CALD1: variants seen among roughly 807,000 people sequenced by gnomAD.
CALD1 encodes the protein caldesmon.
Under a neutral mutation model 99.9 loss-of-function variants are expected in CALD1, and 33 were observed. That is an observed-to-expected ratio of 0.33 (90% CI 0.25 to 0.44). The LOEUF (loss-of-function observed/expected upper bound fraction) is 0.44, where lower values mean the gene tolerates loss of function less well. Ranked by LOEUF, CALD1 falls within the 20% of genes least tolerant of loss-of-function variation. The probability of loss-of-function intolerance (pLI) is 1.00; values close to 1 mark genes in which losing one functional copy is unlikely to be tolerated. For synonymous variants in CALD1, 310 were observed against 325.0 expected, an observed-to-expected ratio of 0.95 and a Z score of 0.50; for missense variants, 861 against 962.1, an observed-to-expected ratio of 0.89 and a Z score of 1.39.
rs552750490 is a variant in CALD1 at position 134,908,979 on chromosome 7, T to G, written c.72-19775T>G. Among the ~76,000 whole-genome samples, 3 of 152,210 alleles carry G rather than the reference T, an allele frequency of 2.0e-5. No individual in the cohort carries two copies. In the South Asian group the frequency reaches 6.2e-4, roughly 32 times the overall value. Reference sequence around the variant, plus strand: ...CTTTATTTTCCATGCATATAAGGAGTGAAGTACTCTGCCAGGTAGTTGAAA... The same window carrying G: ...CTTTATTTTCCATGCATATAAGGAGGGAAGTACTCTGCCAGGTAGTTGAAA... On this transcript the variant is annotated intron_variant, in intron 3 of 14. Coordinates refer to ENST00000361675, the MANE Select transcript of CALD1 (RefSeq NM_033138.4).
intron 7 of CALD1, among the ~76,000 whole-genome samples, chr7:134,943,693 C>T (rs1301276911): frequency 6.6e-6 from 1 of 152,060 alleles, no homozygotes; most frequent in African/African-American, 2.4e-5. Flanking sequence ...AAGCACCCAC[C>T]ACCCAAAGAT....
At chr7:134,944,448 G>A (rs1806701830) in intron 7 of CALD1, 1 of 149,090 alleles carries the variant, frequency 6.7e-6, no homozygotes, top group African/African-American at 2.5e-5. Flanking sequence ...TGATTTTCTG[G>A]TCTGCAGCTT....
At chr7:134,951,150 C>A (rs1301953652) in intron 9 of CALD1, among the ~76,000 whole-genome samples, 1 of 152,154 alleles carries the variant, frequency 6.6e-6, no homozygotes, top group East Asian at 1.9e-4. Flanking sequence ...TTCACAAGGG[C>A]CTCACCCTCA....
At position 134,933,166 on chromosome 7, in the gene CALD1, C is replaced by T; in HGVS notation, c.397C>T (p.Pro133Ser). ...PTITDASLSL[P>S]SRRMQNDTAE... Reference sequence around the variant, plus strand: ...AATAACAGATGCAAGTCTGTCGCTCCCAAGCAGAAGAATGCAAAATGACAC... The same window carrying T: ...AATAACAGATGCAAGTCTGTCGCTCTCAAGCAGAAGAATGCAAAATGACAC... The change falls in exon 5 of 15, where the codon CCA (proline) becomes TCA (serine). Residue 133 changes from proline (P) to serine (S), a missense_variant. Transcript: ENST00000361675. 6.2e-7 allele frequency: 1 copy of T among 1,612,658 alleles called. No homozygotes were observed. Among genetic ancestry groups the T allele is most frequent in the Non-Finnish European group, 8.5e-7 (1 of 1,179,724 alleles).
chr7:134,968,371 C>T lies in CALD1; in HGVS notation c.*26C>T, dbSNP rs1215442029. ...GACAGTTCCAGAAAGAACCCAAGCT[C>T]AAGACGCAGGACGAGCTCAGTTGTA... On this transcript the variant is annotated 3_prime_UTR_variant, in exon 15 of 15. Coordinates refer to ENST00000361675, the MANE Select transcript of CALD1 (RefSeq NM_033138.4). The T allele has an allele frequency of 6.2e-7, 1 of 1,611,528 alleles. No individual in the cohort carries two copies. Among genetic ancestry groups the T allele is most frequent in the East Asian group, 2.2e-5 (1 of 44,862 alleles).
intron 1 of CALD1, among the ~76,000 whole-genome samples, chr7:134,834,439 T>A (rs1377026862): frequency 6.6e-6 from 1 of 152,228 alleles, no homozygotes; most frequent in Admixed American, 6.5e-5. Flanking sequence ...TAAATGGACT[T>A]AGTTGTTAAC....
intron 7 of CALD1, among the ~76,000 whole-genome samples, chr7:134,943,379 C>T (rs1806610280): frequency 6.6e-6 from 1 of 152,152 alleles, no homozygotes; most frequent in African/African-American, 2.4e-5. Context: ...AGGTCATGCA[C>T]ATAGGCAGAG....
chr7:134,711,680 A>G, the CALD1 span, among the ~76,000 whole-genome samples: 411 of 109,544 alleles, frequency 3.8e-3, 1 homozygote, highest in African/African-American at 8.1e-3. Context: ...ATATATATAT[A>G]TGTGTGTGTG....
chr7:134,737,301 T>TTC, the CALD1 span, among the ~76,000 whole-genome samples: 2 of 18,256 alleles, frequency 1.1e-4, no homozygotes, highest in Non-Finnish European at 1.8e-4. Context: ...ATTTTTGTAA[T>TTC]TTTTTTTTGT....
chr7:134,722,688 G>A, the CALD1 span, among the ~76,000 whole-genome samples: 1 of 152,100 alleles, frequency 6.6e-6, no homozygotes, highest in East Asian at 1.9e-4. Flanking sequence ...CCAAAGTGCT[G>A]AGATTACAGG....
At chr7:134,865,542 T>C (rs796876281) in intron 2 of CALD1, among the ~76,000 whole-genome samples, 12 of 152,282 alleles carry the variant, frequency 7.9e-5, no homozygotes, top group African/African-American at 2.9e-4. Flanking sequence ...AAATGGCAGG[T>C]AGTTTTTCTA....
chr7:134,879,166 A>G (rs1045402629), intron 3 of CALD1, among the ~76,000 whole-genome samples: 1 of 152,150 alleles, frequency 6.6e-6, no homozygotes, highest in African/African-American at 2.4e-5. Context: ...CTTGACCTTT[A>G]TTATCCCAAA....
intron 1 of CALD1, among the ~76,000 whole-genome samples, chr7:134,790,761 T>TA (rs1329728157): frequency 1.3e-5 from 2 of 152,214 alleles, no homozygotes; most frequent in African/African-American, 2.4e-5. Flanking sequence ...AGAGATAGTT[T>TA]AACAAGCAGT....
intron 1 of CALD1, among the ~76,000 whole-genome samples, chr7:134,747,944 A>G (rs9641990): frequency 0.016 from 2,461 of 152,208 alleles, 94 homozygotes; most frequent in East Asian, 0.12. Context: ...CAGGCACTCA[A>G]CTCCAAACAG....
chr7:134,928,943 A>C, intron 4 of CALD1, 43 bp downstream of exon 4: 1 of 1,536,324 alleles, frequency 6.5e-7, no homozygotes. Flanking sequence ...CTTGCGTCTT[A>C]GCCTGTCCGT....
intron 3 of CALD1, among the ~76,000 whole-genome samples, chr7:134,904,069 A>T (rs1347467742): frequency 6.6e-6 from 1 of 151,934 alleles, no homozygotes; most frequent in Admixed American, 6.6e-5. Context: ...CTAAAAATAC[A>T]AAAATTAACC....
intron 2 of CALD1, among the ~76,000 whole-genome samples, chr7:134,855,324 C>A (rs77241679): frequency 2.6e-5 from 4 of 152,020 alleles, no homozygotes; most frequent in African/African-American, 9.7e-5. Flanking sequence ...TTGAGGGGTA[C>A]GAAGGTGGAT....
At chr7:134,771,347 G>A (rs755814734) in intron 1 of CALD1, among the ~76,000 whole-genome samples, 3 of 152,024 alleles carry the variant, frequency 2.0e-5, no homozygotes, top group Non-Finnish European at 4.4e-5. Flanking sequence ...CCCTGCAAAT[G>A]TCCGTCCCCC....
At chr7:134,744,166 A>C (rs1796614875), upstream of CALD1, 1 of 152,148 alleles carries the variant, frequency 6.6e-6, no homozygotes, top group Non-Finnish European at 1.5e-5. Context: ...AGCTTGTAGT[A>C]ATGAGAGAGA....
Sources: allele counts gnomAD v4.1 joint callset (sites outside exome capture counted in the v4.1 genomes callset), GRCh38; gene constraint gnomAD v4.1.1; transcripts MANE v1.5; gene names NCBI Gene and HGNC (gene_info 2026-07-23, HGNC 2026-07-21).